Variants in FAM117B observed in about 807,000 individuals in gnomAD.
FAM117B encodes the protein protein FAM117B.
FAM117B carries 22 observed loss-of-function variants against 52.8 expected under a neutral mutation model. That is an observed-to-expected ratio of 0.42 (90% CI 0.30 to 0.59). FAM117B has a LOEUF of 0.59. Among genes scored for constraint, FAM117B ranks in the 20% least tolerant of loss-of-function variants. The probability of loss-of-function intolerance (pLI) is 0.22; values close to 1 mark genes in which losing one functional copy is unlikely to be tolerated. For missense variants in FAM117B, 678 were observed against 802.6 expected (o/e 0.84, Z 1.88); for synonymous variants, 309 against 324.1 (o/e 0.95, Z 0.50).
chr2:202,755,872 T>A (rs1448136363), intron 5 of FAM117B, among the ~76,000 whole-genome samples, 191 bp downstream of exon 5: 1 of 152,242 alleles, frequency 6.6e-6, no homozygotes, highest in African/African-American at 2.4e-5. Context: ...TAGAGGCAAC[T>A]GATCTGACTT....
At chr2:202,745,486 T>C (rs1691617873) in intron 4 of FAM117B, among the ~76,000 whole-genome samples, 1 of 151,860 alleles carries the variant, frequency 6.6e-6, no homozygotes, top group Non-Finnish European at 1.5e-5. Context: ...TCAAATATTA[T>C]CACTACAAGA....
chr2:202,733,337 TAAAC>T (rs571856638), intron 4 of FAM117B, among the ~76,000 whole-genome samples: 3 of 152,232 alleles, frequency 2.0e-5, no homozygotes, highest in South Asian at 4.1e-4. Flanking sequence ...ATAAACGTCT[TAAAC>T]AACAGAAAAC....
intron 1 of FAM117B, among the ~76,000 whole-genome samples, chr2:202,680,109 G>C (rs1160731216): frequency 1.3e-5 from 2 of 152,090 alleles, no homozygotes; most frequent in East Asian, 1.9e-4. Flanking sequence ...TATCTGATGA[G>C]AAAGATCAGT....
chr2:202,718,875 A>G (rs1691104184), intron 2 of FAM117B, among the ~76,000 whole-genome samples: 1 of 152,144 alleles, frequency 6.6e-6, no homozygotes, highest in African/African-American at 2.4e-5. Context: ...TCTGGATTAG[A>G]TGCCTTAGGG....
chr2:202,753,058 C>G (rs2105798294), intron 4 of FAM117B, among the ~76,000 whole-genome samples: 1 of 152,194 alleles, frequency 6.6e-6, no homozygotes, highest in Middle Eastern at 3.4e-3. Context: ...TGTATATAGC[C>G]AAGACAATCC....
intron 4 of FAM117B, among the ~76,000 whole-genome samples, chr2:202,740,200 A>AAAAAAAAAAAAAAAAAAAAG (rs1691509405): frequency 6.8e-6 from 1 of 147,568 alleles, no homozygotes; most frequent in African/African-American, 2.5e-5. Flanking sequence ...AAAAAAAAAA[A>AAAAAAAAAAAAAAAAAAAAG]AATCCCCAAA....
chr2:202,725,299 CTTTT>C (rs11432596), intron 3 of FAM117B: 3,237 of 148,780 alleles, frequency 0.022, 137 homozygotes, highest in African/African-American at 0.083. Flanking sequence ...CACATTTATT[CTTTT>C]TTTTTTTTTT....
chr2:202,654,062 TGA>T (rs60490884), intron 1 of FAM117B, among the ~76,000 whole-genome samples: 2,363 of 134,586 alleles, frequency 0.018, 17 homozygotes, highest in Admixed American at 0.02. Context: ...AGAGAGTGAG[TGA>T]GAGAGAGAGA....
Position 202,765,738 on chromosome 2 carries a change from G to C in FAM117B, c.1744G>C (p.Glu582Gln). Residue 582 changes from glutamate (E) to glutamine (Q), a missense_variant, in exon 8 of 8, where the codon GAA (glutamate) becomes CAA (glutamine). Coordinates refer to ENST00000392238, the MANE Select transcript of FAM117B (RefSeq NM_173511.4). Reference protein sequence around the residue: ...MPSASLLPPPEPIEEAEG With the variant: ...MPSASLLPPPQPIEEAEG The stretch of plus-strand genomic sequence containing the variant: ...ATCAGCTTCTCTACTCCCACCACCA[G>C]AACCAATTGAGGAAGCTGAAGGATA... The C allele has an allele frequency of 6.2e-7, 1 of 1,614,056 alleles. No homozygotes were observed. Among genetic ancestry groups the C allele is most frequent in the Non-Finnish European group, 8.5e-7 (1 of 1,179,988 alleles).
At chr2:202,699,045 C>CCTAA (rs1690755659) in intron 2 of FAM117B, among the ~76,000 whole-genome samples, 1 of 152,096 alleles carries the variant, frequency 6.6e-6, no homozygotes, top group Non-Finnish European at 1.5e-5. Context: ...ATTGCTGTGA[C>CCTAA]CTAACAATTG....
At chr2:202,727,967 G>C (rs916634479) in intron 4 of FAM117B, among the ~76,000 whole-genome samples, 2 of 151,960 alleles carry the variant, frequency 1.3e-5, no homozygotes, top group Non-Finnish European at 2.9e-5. Flanking sequence ...TGATTTCACA[G>C]GTTTATAGAG....
At chr2:202,749,100 G>A (rs1275201394) in intron 4 of FAM117B, among the ~76,000 whole-genome samples, 1 of 152,090 alleles carries the variant, frequency 6.6e-6, no homozygotes, top group Non-Finnish European at 1.5e-5. Flanking sequence ...TATATTCATA[G>A]AGTGCAGATA....
In FAM117B at chr2:202,635,564, C is replaced by T; in HGVS notation, c.377C>T (p.Thr126Met). Residue 126 changes from threonine to methionine, a missense_variant, in exon 1 of 8, where the codon ACG becomes ATG. Thr to Met is a moderately conservative substitution (Grantham distance 81, BLOSUM62 -1). Coordinates refer to ENST00000392238, the MANE Select transcript of FAM117B (RefSeq NM_173511.4). Reference protein sequence around the residue: ...SATSTRGTSPTRSAAPGARGS... With the variant: ...SATSTRGTSPMRSAAPGARGS... ...ACGTCCACGCGAGGCACCAGCCCCA[C>T]GCGCAGCGCCGCGCCTGGAGCTCGC... The T allele has an allele frequency of 1.6e-6, 2 of 1,219,130 alleles. No individual in the cohort carries two copies. Among genetic ancestry groups the T allele is most frequent in the Non-Finnish European group, 2.0e-6 (2 of 983,240 alleles). The allele number at this position is 1,219,130 out of a possible 1,614,324, so 75.5% of individuals were successfully genotyped here.
rs555803877 is a variant in FAM117B, at chr2:202,657,391, C to T, written c.601+21603C>T. Among the ~76,000 whole-genome samples the T allele has an allele frequency of 2.6e-5, 4 of 152,050 alleles. No homozygotes were observed. In the South Asian group the frequency reaches 6.2e-4, roughly 24 times the overall value. On this transcript the variant is annotated intron_variant, in intron 1 of 7. Coordinates refer to ENST00000392238, the MANE Select transcript of FAM117B (RefSeq NM_173511.4). ...GGGTGATCCACCATGCCCAGTAGGT[C>T]TTGTGTTTTTTAAATCTAGTCTGAT...
At chr2:202,742,279 GT>G (rs1218553971) in intron 4 of FAM117B, among the ~76,000 whole-genome samples, 3 of 152,136 alleles carry the variant, frequency 2.0e-5, no homozygotes, top group African/African-American at 7.2e-5. Flanking sequence ...GGCAGCTAGC[GT>G]TACCAGATGT....
At chr2:202,720,796 CTGTT>C (rs940204222) in intron 2 of FAM117B, among the ~76,000 whole-genome samples, 1 of 152,070 alleles carries the variant, frequency 6.6e-6, no homozygotes, top group Admixed American at 6.5e-5. Flanking sequence ...AGAAAATAAA[CTGTT>C]TGGTTTTGTA....
intron 6 of FAM117B, 98 bp downstream of exon 6, chr2:202,757,536 G>C: frequency 7.9e-7 from 1 of 1,259,272 alleles, no homozygotes; most frequent in Non-Finnish European, 1.1e-6. Flanking sequence ...CACACTCGAG[G>C]CTACTCAGTT....
At chr2:202,678,786 G>A (rs1175079121) in intron 1 of FAM117B, among the ~76,000 whole-genome samples, 3 of 152,116 alleles carry the variant, frequency 2.0e-5, no homozygotes, top group Non-Finnish European at 4.4e-5. Flanking sequence ...TTGAACTCCC[G>A]ACCTCAGGTG....
chr2:202,695,775 G>C (rs1263042170), intron 1 of FAM117B, 106 bp from the exon 2 acceptor site: 6 of 1,235,004 alleles, frequency 4.9e-6, no homozygotes, highest in Non-Finnish European at 5.5e-6. Flanking sequence ...GGTTAAAGGG[G>C]ATTACCATAG....
Sources: gnomAD v4.1 joint callset for allele counts (sites outside exome capture counted in the v4.1 genomes callset) on GRCh38, gnomAD v4.1.1 for gene constraint, MANE v1.5 for transcripts, NCBI Gene and HGNC (gene_info 2026-07-23, HGNC 2026-07-21) for gene names.